The following CDKL5 variants were observed in gnomAD, a reference collection of about 807,000 sequenced individuals.
CDKL5 encodes cyclin-dependent kinase-like 5.
Under a neutral mutation model 61.7 loss-of-function variants are expected in CDKL5, and 8 were observed. The observed-to-expected ratio is 0.13, with a 90% CI of 0.08 to 0.23. CDKL5 has a LOEUF of 0.23. CDKL5 is among the 10% of genes least tolerant of loss of function. The pLI is 1.00. For synonymous variants in CDKL5, 275 were observed against 272.3 expected (o/e 1.01, Z -0.10); for missense variants, 440 against 734.5 (o/e 0.60, Z 4.63).
chrX:18,525,464 T>C (rs1923401133), intron 3 of CDKL5, among the ~76,000 whole-genome samples: 1 of 111,155 alleles, frequency 9.0e-6, no homozygotes. Flanking sequence ...TTGAGTCTGT[T>C]TTTGTGCTTT....
chrX:18,509,245 A>ACACACACACACACACACACC (rs796171313), intron 2 of CDKL5, among the ~76,000 whole-genome samples: 1 of 95,353 alleles, frequency 1.0e-5, no homozygotes, highest in Admixed American at 1.3e-4. Context: ...ACACACACAC[A>ACACACACACACACACACACC]CCCCTGTCAA....
chrX:18,475,830 C>G (rs1239522055), intron 1 of CDKL5, among the ~76,000 whole-genome samples: 1 of 111,905 alleles, frequency 8.9e-6, no homozygotes, highest in African/African-American at 3.2e-5. Flanking sequence ...GTGGTTATTG[C>G]TCTTTTCTAG....
chrX:18,584,142 C>T (rs1043483618), intron 7 of CDKL5, 121 bp from the exon 8 acceptor site: 16 of 548,866 alleles, frequency 2.9e-5, no homozygotes, highest in Admixed American at 6.9e-5. Flanking sequence ...ATAGCCCATG[C>T]GAGAACAGTC....
At chrX:18,456,324 C>T (rs1932141194) in intron 1 of CDKL5, among the ~76,000 whole-genome samples, 1 of 111,479 alleles carries the variant, frequency 9.0e-6, no homozygotes, top group Admixed American at 9.6e-5. Context: ...AGGCGTGAGC[C>T]ACCGCGCCCG....
In CDKL5 at chrX:18,563,617, C is replaced by T. The variant is rs148124276; in HGVS notation, c.100-860C>T. On this transcript the variant is annotated intron_variant, in intron 3 of 17. Transcript: ENST00000623535. ...AGTTTTTGTTTTGATGCAGGGACAA[C>T]GTTTTATTAAATATTAAAAGATTTG... is the stretch of plus-strand genomic sequence containing the variant. 6.6e-3 allele frequency among the ~76,000 whole-genome samples: 736 copies of T among 111,455 alleles called. 10 individuals carry two copies. The highest frequency in any genetic ancestry group is 0.022 in the African/African-American group (668 of 30,676).
chrX:18,482,841 T>A (rs141928113), intron 1 of CDKL5, among the ~76,000 whole-genome samples: 1 of 111,973 alleles, frequency 8.9e-6, no homozygotes, highest in East Asian at 2.8e-4. Context: ...TGAGGCCGAG[T>A]AGAAAAATTT....
intron 9 of CDKL5, 153 bp downstream of exon 9, chrX:18,588,296 T>G: frequency 2.4e-6 from 1 of 422,725 alleles, no homozygotes; most frequent in East Asian, 4.1e-5. Context: ...TATTTCCGAA[T>G]TTTTTAATAG....
At chrX:18,476,763 T>C (rs1921327756) in intron 1 of CDKL5, among the ~76,000 whole-genome samples, 1 of 112,112 alleles carries the variant, frequency 8.9e-6, no homozygotes, top group African/African-American at 3.2e-5. Flanking sequence ...ATAGACAACA[T>C]ATAGTTGAAT....
At chrX:18,517,346 AC>A (rs763497228) in intron 3 of CDKL5, among the ~76,000 whole-genome samples, 2 of 111,482 alleles carry the variant, frequency 1.8e-5, no homozygotes, top group South Asian at 7.6e-4. Flanking sequence ...CTCTTCAGGG[AC>A]TGAGTTCCTG....
chrX:18,484,453 G>A (rs1456615565), intron 1 of CDKL5, among the ~76,000 whole-genome samples: 1 of 109,731 alleles, frequency 9.1e-6, no homozygotes, highest in Non-Finnish European at 1.9e-5. Flanking sequence ...GAGTAGCTGG[G>A]ATTATAGGAG....
chrX:18,426,693 T>C (rs903408996), intron 1 of CDKL5: 2 of 112,643 alleles, frequency 1.8e-5, no homozygotes, highest in Admixed American at 9.4e-5. Context: ...ATGATTTCTT[T>C]CTGTGCATCT....
rs758562731 is a variant in CDKL5 at position 18,635,413 on chromosome X, G to A, written c.*6656G>A. 56 of 752,422 alleles carry A rather than the reference G, an allele frequency of 7.4e-5. No homozygotes were observed. The highest frequency in any genetic ancestry group is 8.5e-5 in the Non-Finnish European group (54 of 638,914). The allele number at this position is 752,422 out of a possible 1,213,427, so 62.0% of individuals were successfully genotyped here. On this transcript the variant is annotated 3_prime_UTR_variant, in exon 18 of 18. Transcript: ENST00000623535. ...CACTGACTGATGTGACTGCCAGGCC[G>A]TCCCAATCTTGAGCACTGTGGTCCT... is the stretch of plus-strand genomic sequence containing the variant.
chrX:18,515,344 A>G lies in CDKL5; in HGVS notation c.99+4490A>G, dbSNP rs550216882. On this transcript the variant is annotated intron_variant, in intron 3 of 17. Transcript: ENST00000623535. ...TTCATGTAATTTGTTTCCTGTGACT[A>G]TGGTTGACTTATGAGAAGTTTTTGT... is the stretch of plus-strand genomic sequence containing the variant. Among the ~76,000 whole-genome samples, 11 of 112,040 alleles carry G rather than the reference A, an allele frequency of 9.8e-5. No homozygotes were observed. In the South Asian group the frequency reaches 1.5e-3, roughly 15 times the overall value.
chrX:18,428,096 T>C (rs1220373748), intron 1 of CDKL5, among the ~76,000 whole-genome samples: 3 of 111,644 alleles, frequency 2.7e-5, no homozygotes, highest in Non-Finnish European at 3.8e-5. Flanking sequence ...GGGAACCAGA[T>C]TTTACGTGGT....
At chrX:18,464,912 A>G (rs1387706604) in intron 1 of CDKL5, among the ~76,000 whole-genome samples, 1 of 112,280 alleles carries the variant, frequency 8.9e-6, no homozygotes, top group Non-Finnish European at 1.9e-5. Flanking sequence ...TTGTGGCTGA[A>G]CTGTTAACTT....
rs751490161 is a variant in CDKL5, at chrX:18,633,986, G to A, written c.*5229G>A. ...TTGCCAGAAAAAAATTGTAATAGTC[G>A]GCACGCTGGATTTGTAGGGCCAGCA... On this transcript the variant is annotated 3_prime_UTR_variant, in exon 18 of 18. Transcript: ENST00000623535. The A allele has an allele frequency of 2.5e-4, 188 of 751,852 alleles. No individual in the cohort carries two copies. Among genetic ancestry groups the A allele is most frequent in the Non-Finnish European group, 2.8e-4 (181 of 638,886 alleles). The allele number at this position is 751,852 out of a possible 1,213,427, so 62.0% of individuals were successfully genotyped here.
chrX:18,471,170 A>T (rs1050507644), intron 1 of CDKL5, among the ~76,000 whole-genome samples: 76 of 110,873 alleles, frequency 6.9e-4, no homozygotes, highest in African/African-American at 2.5e-3. Flanking sequence ...GTGGTTAAAA[A>T]TTTTTATTTT....
chrX:18,644,700 C>T (rs762034990), downstream of CDKL5: 17 of 1,043,201 alleles, frequency 1.6e-5, no homozygotes, highest in Admixed American at 3.0e-4. Flanking sequence ...TGCTGGCTCT[C>T]GAGGGGATGC....
rs1927159308 is a variant in CDKL5, at chrX:18,628,968, G to T, written c.*211G>T. The T allele has an allele frequency of 9.7e-7, 1 of 1,025,641 alleles. No homozygotes were observed. Among genetic ancestry groups the T allele is most frequent in the East Asian group, 3.7e-5 (1 of 27,016 alleles). The allele number at this position is 1,025,641 out of a possible 1,213,427, so 84.5% of individuals were successfully genotyped here. A position where few individuals can be genotyped will look rare whatever the true frequency, so the allele number is the denominator to read the frequency against. ...ATCTTAGAGCCACAGGAGTTCCTTA[G>T]GGATCGCCACTCCCCACAGGTCTTG... On this transcript the variant is annotated 3_prime_UTR_variant, in exon 18 of 18. Transcript: ENST00000623535.
Sources: gnomAD v4.1 joint callset for allele counts (sites outside exome capture counted in the v4.1 genomes callset) on GRCh38, gnomAD v4.1.1 for gene constraint, MANE v1.5 for transcripts, NCBI Gene and HGNC (gene_info 2026-07-23, HGNC 2026-07-21) for gene names.